Variants in IL1RN observed in about 807,000 individuals in gnomAD.
IL1RN encodes the protein interleukin-1 receptor antagonist protein.
In IL1RN, 10 loss-of-function variants were observed where a neutral mutation model predicts 13.7. That is an observed-to-expected ratio of 0.73 (90% CI 0.45 to 1.24). The LOEUF is 1.24. Ranked by LOEUF, IL1RN falls within the 50% of genes most tolerant of loss-of-function variation. The probability of loss-of-function intolerance (pLI) is 0.00; values close to 1 mark genes in which losing one functional copy is unlikely to be tolerated. For synonymous variants in IL1RN, 102 were observed against 82.7 expected, an observed-to-expected ratio of 1.23 and a Z score of -1.27; for missense variants, 213 against 222.1, an observed-to-expected ratio of 0.96 and a Z score of 0.26.
In IL1RN at chr2:113,118,113, C is replaced by T. The variant is rs1040844468; in HGVS notation, c.10+85C>T. On this transcript the variant is annotated intron_variant, in intron 1 of 5. Coordinates refer to the IL1RN transcript ENST00000259206. ...TTGGTGTTTATCAAATGCTTTCAGG[C>T]TCTGGTGAGCAAGCGTCCAGGAAAA... The T allele has an allele frequency of 1.4e-5, 23 of 1,606,648 alleles. No individual in the cohort carries two copies. The African/African-American group carries it at 2.8e-4, about 20-fold the overall frequency.
At chr2:113,121,479 A>G in intron 2 of IL1RN, 1 of 985,490 alleles carries the variant, frequency 1.0e-6, no homozygotes, top group Non-Finnish European at 1.2e-6. Context: ...CAAAGCCAAG[A>G]AGGCAAGAGC....
intron 1 of IL1RN, among the ~76,000 whole-genome samples, chr2:113,128,392 C>T (rs1470408539): frequency 6.6e-6 from 1 of 152,178 alleles, no homozygotes; most frequent in East Asian, 1.9e-4. Flanking sequence ...TGCAGTGTGA[C>T]ATTCCAGCAG....
chr2:113,099,404 C>T, the IL1RN span, among the ~76,000 whole-genome samples: 1 of 152,186 alleles, frequency 6.6e-6, no homozygotes, highest in African/African-American at 2.4e-5. Flanking sequence ...TTCACTCCCA[C>T]CATGCCCCAC....
At chr2:113,113,659 G>A (rs1044242036), upstream of IL1RN, among the ~76,000 whole-genome samples, 1 of 152,168 alleles carries the variant, frequency 6.6e-6, no homozygotes, top group Non-Finnish European at 1.5e-5. Context: ...GGCCTTGATG[G>A]TGGTGATGGT....
At chr2:113,125,487 A>T (rs1484892685), upstream of IL1RN, among the ~76,000 whole-genome samples, 1 of 152,232 alleles carries the variant, frequency 6.6e-6, no homozygotes, top group Non-Finnish European at 1.5e-5. Context: ...TTGCCTGAAA[A>T]AATCCATCAC....
upstream of IL1RN, among the ~76,000 whole-genome samples, chr2:113,102,700 G>A (rs1686332399): frequency 6.6e-6 from 1 of 152,006 alleles, no homozygotes; most frequent in Non-Finnish European, 1.5e-5. Flanking sequence ...AGTCAAAGGG[G>A]GTTTCTCTCT....
At chr2:113,130,142 C>G (rs1442458512) in intron 2 of IL1RN, 1 of 179,700 alleles carries the variant, frequency 5.6e-6, no homozygotes. Flanking sequence ...CCACTCTGTT[C>G]CTCAGCTTTC....
At chr2:113,105,445 GA>G (rs1325190593), upstream of IL1RN, among the ~76,000 whole-genome samples, 7 of 152,312 alleles carry the variant, frequency 4.6e-5, no homozygotes, top group African/African-American at 1.7e-4. Flanking sequence ...TTTTAGGTGA[GA>G]ATTGATTAGA....
chr2:113,132,429 C>A (rs1421581413), intron 3 of IL1RN, among the ~76,000 whole-genome samples: 4 of 152,196 alleles, frequency 2.6e-5, no homozygotes, highest in African/African-American at 9.6e-5. Context: ...GCCTAGGCGA[C>A]AGAGCAAGAC....
upstream of IL1RN, among the ~76,000 whole-genome samples, chr2:113,105,113 G>A (rs1410391515): frequency 2.0e-5 from 3 of 152,212 alleles, no homozygotes; most frequent in Admixed American, 6.5e-5. Context: ...GCTGGGCTCA[G>A]GGGTGGATGA....
upstream of IL1RN, among the ~76,000 whole-genome samples, chr2:113,105,162 A>G (rs1347286907): frequency 6.6e-6 from 1 of 152,198 alleles, no homozygotes; most frequent in Non-Finnish European, 1.5e-5. Flanking sequence ...GAGGGAGAAC[A>G]TATATAGAAA....
intron 2 of IL1RN, among the ~76,000 whole-genome samples, chr2:113,121,970 C>T (rs1450936227): frequency 1.3e-5 from 2 of 152,168 alleles, no homozygotes; most frequent in African/African-American, 4.8e-5. Flanking sequence ...AAATATTTAC[C>T]CATGACTGGG....
At chr2:113,125,946 A>T (rs913372834), upstream of IL1RN, among the ~76,000 whole-genome samples, 3 of 152,034 alleles carry the variant, frequency 2.0e-5, no homozygotes, top group Non-Finnish European at 4.4e-5. Flanking sequence ...TTACAGGCAC[A>T]TGCCACCATC....
intron 3 of IL1RN, among the ~76,000 whole-genome samples, chr2:113,132,362 C>T (rs571828653): frequency 2.6e-5 from 4 of 152,286 alleles, no homozygotes; most frequent in Non-Finnish European, 2.9e-5. Flanking sequence ...GCAGGAGAAT[C>T]GCTTGAACCC....
At position 113,127,649 on chromosome 2, in the gene IL1RN, A is replaced by G. The variant is rs199841275; in HGVS notation, c.25A>G (p.Ser9Gly). ...AATGGAAATCTGCAGAGGCCTCCGC[A>G]GTCACCTAATCACTCTCCTCCTCTT... MEICRGLR[S>G]HLITLLLFLF... The change falls in exon 1 of 4, where the codon AGT becomes GGT. Residue 9 changes from serine (S) to glycine (G), a missense_variant. Physicochemically the swap from Ser to Gly is moderately conservative, Grantham distance 56. Transcript: ENST00000409930. The G allele has an allele frequency of 8.7e-6, 14 of 1,614,126 alleles. No homozygotes were observed. In the African/African-American group the frequency reaches 1.9e-4, roughly 22 times the overall value.
At chr2:113,111,280 G>C (rs1247322621) in intron 1 of IL1RN, 2 of 152,216 alleles carry the variant, frequency 1.3e-5, no homozygotes, top group African/African-American at 4.8e-5. Context: ...CTAGGGGACA[G>C]TGTGTGGGTA....
chr2:113,133,331 T>C lies in IL1RN; in HGVS notation c.*460T>C, dbSNP rs1687241055. The C allele has an allele frequency of 5.7e-6, 1 of 176,098 alleles. No individual in the cohort carries two copies. Among genetic ancestry groups the C allele is most frequent in the African/African-American group, 2.4e-5 (1 of 41,984 alleles). The allele number at this position is 176,098 out of a possible 1,614,324, so 10.9% of individuals were successfully genotyped here. ...GAGGTTTTTAAGGGTTTGTGGAAAA[T>C]GAAAATTAGGATTTCATGATTTTTT... On this transcript the variant is annotated 3_prime_UTR_variant, in exon 4 of 4. Transcript: ENST00000409930.
intron 2 of IL1RN, 125 bp downstream of exon 2, chr2:113,129,789 A>G: frequency 1.3e-6 from 1 of 752,980 alleles, no homozygotes; most frequent in Non-Finnish European, 2.4e-6. Flanking sequence ...GGGTCTTTGT[A>G]TTCAAGTTTG....
At chr2:113,104,033 G>C (rs1226319655), upstream of IL1RN, among the ~76,000 whole-genome samples, 2 of 150,232 alleles carry the variant, frequency 1.3e-5, no homozygotes, top group Non-Finnish European at 3.0e-5. Flanking sequence ...TCTCAGTTAA[G>C]CATCCCATGT....
Sources: allele counts gnomAD v4.1 joint callset (sites outside exome capture counted in the v4.1 genomes callset), GRCh38; gene constraint gnomAD v4.1.1; transcripts MANE v1.5; gene names NCBI Gene and HGNC (gene_info 2026-07-23, HGNC 2026-07-21).